The following BRDT variants were observed in gnomAD, a reference collection of about 807,000 sequenced individuals.
BRDT encodes bromodomain testis-specific protein.
Under a neutral mutation model 113.9 loss-of-function variants are expected in BRDT, and 77 were observed. That is an observed-to-expected ratio of 0.68 (90% confidence interval 0.56 to 0.82). BRDT has a LOEUF of 0.82. BRDT is among the 40% of genes least tolerant of loss of function. The pLI is 0.00. For missense variants in BRDT, 1,027 were observed against 1,105.4 expected, an observed-to-expected ratio of 0.93 and a Z score of 1.01; for synonymous variants, 358 against 366.5, an observed-to-expected ratio of 0.98 and a Z score of 0.26.
chr1:91,955,827 A>G lies in BRDT; in HGVS notation c.-38+6145A>G, dbSNP rs541870029. 3.9e-5 allele frequency among the ~76,000 whole-genome samples: 6 copies of G among 152,330 alleles called. No homozygotes were observed. The East Asian group carries it at 1.2e-3, about 29-fold the overall frequency. Reference sequence around the variant, plus strand: ...AGTTCACCACTGAGAAGATAATCAGATTATCAAATATTAGCTATTGTTTTG... The same window carrying G: ...AGTTCACCACTGAGAAGATAATCAGGTTATCAAATATTAGCTATTGTTTTG... On this transcript the variant is annotated intron_variant, in intron 1 of 18. Coordinates refer to ENST00000399546, the MANE Select transcript of BRDT (RefSeq NM_207189.4).
At chr1:91,951,722 T>C (rs6677351) in intron 1 of BRDT, among the ~76,000 whole-genome samples, 118,820 of 151,812 alleles carry the variant, frequency 0.78, 47,282 homozygotes, top group Middle Eastern at 0.86. Context: ...TGCAGTGAGC[T>C]GAGATCACAC....
chr1:91,976,158 T>A, intron 4 of BRDT, 108 bp from the exon 5 acceptor site: 1 of 1,090,192 alleles, frequency 9.2e-7, no homozygotes, highest in Non-Finnish European at 1.2e-6. Flanking sequence ...AAGTATCCTA[T>A]GCTTATATTG....
intron 9 of BRDT, 28 bp from the exon 10 acceptor site, chr1:91,980,861 G>A (rs1018629855): frequency 6.3e-7 from 1 of 1,593,214 alleles, no homozygotes; most frequent in Non-Finnish European, 8.5e-7. Flanking sequence ...ATAACGATAA[G>A]TTGGACTAAA....
chr1:91,974,734 G>A (rs929893818), intron 4 of BRDT, among the ~76,000 whole-genome samples: 7 of 152,138 alleles, frequency 4.6e-5, no homozygotes, highest in African/African-American at 1.4e-4. Context: ...TGATTCCTCA[G>A]GGATCTAGAA....
At chr1:92,003,463 T>G (rs1570636643) in intron 16 of BRDT, among the ~76,000 whole-genome samples, 1 of 152,220 alleles carries the variant, frequency 6.6e-6, no homozygotes, top group South Asian at 2.1e-4. Context: ...TCTAGACTTG[T>G]GCTTATCTAA....
chr1:91,982,670 C>T (rs1684828814), intron 12 of BRDT, among the ~76,000 whole-genome samples: 1 of 152,132 alleles, frequency 6.6e-6, no homozygotes, highest in African/African-American at 2.4e-5. Context: ...TGCTGACTTG[C>T]AATACATTCT....
At chr1:92,008,057 C>A (rs980453057) in intron 18 of BRDT, among the ~76,000 whole-genome samples, 2 of 151,920 alleles carry the variant, frequency 1.3e-5, no homozygotes, top group Non-Finnish European at 2.9e-5. Flanking sequence ...AGCTGGGATT[C>A]CAGGCACCCA....
At chr1:91,994,361 C>T (rs921811438) in intron 15 of BRDT, 107 bp downstream of exon 15, 3 of 928,280 alleles carry the variant, frequency 3.2e-6, no homozygotes, top group Middle Eastern at 3.5e-4. Context: ...TGGGAAATAC[C>T]AACAATCATA....
At chr1:91,977,991 CAA>C (rs1020058873) in intron 6 of BRDT, among the ~76,000 whole-genome samples, 175 bp from the exon 7 acceptor site, 8 of 152,056 alleles carry the variant, frequency 5.3e-5, no homozygotes, top group African/African-American at 1.7e-4. Flanking sequence ...GATTTTTTTT[CAA>C]AGTCTAAAAA....
intron 12 of BRDT, among the ~76,000 whole-genome samples, chr1:91,983,263 CTTTTTT>C (rs34326851): frequency 9.7e-6 from 1 of 103,228 alleles, no homozygotes; most frequent in Non-Finnish European, 2.1e-5. Flanking sequence ...GAATTCAAAT[CTTTTTT>C]TTTTTTTTTT....
At chr1:91,978,761 G>A (rs902113409) in intron 7 of BRDT, among the ~76,000 whole-genome samples, 3 of 152,188 alleles carry the variant, frequency 2.0e-5, no homozygotes, top group East Asian at 2.0e-4. Context: ...AGCACTTTGG[G>A]AGGCCGAGGC....
chr1:92,005,018 G>A, intron 17 of BRDT, 101 bp from the exon 18 acceptor site: 1 of 895,768 alleles, frequency 1.1e-6, no homozygotes, highest in Non-Finnish European at 1.6e-6. Flanking sequence ...CATGAACATG[G>A]TTGTCTTAAT....
chr1:92,002,003 G>A, intron 15 of BRDT, 46 bp from the exon 16 acceptor site: 1 of 1,376,206 alleles, frequency 7.3e-7, no homozygotes, highest in Non-Finnish European at 1.0e-6. Context: ...TGGGTAAGTA[G>A]GATGAAATAT....
At chr1:92,006,392 T>C (rs1687304229) in intron 18 of BRDT, among the ~76,000 whole-genome samples, 1 of 152,232 alleles carries the variant, frequency 6.6e-6, no homozygotes, top group Non-Finnish European at 1.5e-5. Flanking sequence ...TCTTGTGTTT[T>C]TTTTTTAATT....
chr1:91,971,087 T>C (rs971072686), intron 4 of BRDT, among the ~76,000 whole-genome samples: 1 of 152,016 alleles, frequency 6.6e-6, no homozygotes, highest in African/African-American at 2.4e-5. Context: ...GAGGGAGCTG[T>C]TGTATCACAT....
At chr1:92,001,524 C>T (rs1686842090) in intron 15 of BRDT, among the ~76,000 whole-genome samples, 1 of 152,010 alleles carries the variant, frequency 6.6e-6, no homozygotes, top group Non-Finnish European at 1.5e-5. Flanking sequence ...GGTAAAACCC[C>T]ATCTCTACTA....
intron 1 of BRDT, among the ~76,000 whole-genome samples, chr1:91,960,380 AAC>A (rs1266241312): frequency 1.3e-5 from 2 of 152,242 alleles, no homozygotes; most frequent in African/African-American, 2.4e-5. Flanking sequence ...GGGAAATTCT[AAC>A]ACACGCTACA....
At chr1:91,973,456 G>A (rs988538118) in intron 4 of BRDT, among the ~76,000 whole-genome samples, 9 of 151,972 alleles carry the variant, frequency 5.9e-5, no homozygotes, top group South Asian at 2.1e-4. Flanking sequence ...CTTTTATTTC[G>A]TTGAGCAGTG....
In BRDT at chr1:91,964,226, T is replaced by G. The variant is rs566765850; in HGVS notation, c.193-401T>G. Among the ~76,000 whole-genome samples the G allele has an allele frequency of 4.6e-5, 7 of 152,218 alleles. No homozygotes were observed. In the East Asian group the frequency reaches 1.2e-3, roughly 25 times the overall value. ...CAGGCACGCATCATCACACCAGGCT[T>G]ATTTTTGTATTTTTAGTGGAGATGG... On this transcript the variant is annotated intron_variant, in intron 2 of 18. Coordinates refer to ENST00000399546, the MANE Select transcript of BRDT (RefSeq NM_207189.4).
Sources: allele counts gnomAD v4.1 joint callset (sites outside exome capture counted in the v4.1 genomes callset), GRCh38; gene constraint gnomAD v4.1.1; transcripts MANE v1.5; gene names NCBI Gene and HGNC (gene_info 2026-07-23, HGNC 2026-07-21).